FNIP1: variants seen among roughly 807,000 people sequenced by gnomAD.
The protein encoded by FNIP1 is folliculin interacting protein 1.
In FNIP1, 40 loss-of-function variants were observed where a neutral mutation model predicts 124.5. That is an observed-to-expected ratio of 0.32 (90% CI 0.25 to 0.42). The LOEUF is 0.42. Among genes scored for constraint, FNIP1 ranks in the 10% least tolerant of loss-of-function variants. FNIP1 has a pLI of 1.00. For missense variants in FNIP1, 1,176 were observed against 1,403.7 expected, an observed-to-expected ratio of 0.84 and a Z score of 2.59; for synonymous variants, 472 against 470.6, an observed-to-expected ratio of 1.00 and a Z score of -0.04.
chr5:131,655,402 T>C (rs1767162291), intron 15 of FNIP1, among the ~76,000 whole-genome samples: 1 of 152,086 alleles, frequency 6.6e-6, no homozygotes, highest in South Asian at 2.1e-4. Context: ...TACTATAAAA[T>C]ACAAATCTAC....
At chr5:131,764,020 T>C (rs1006181972) in intron 1 of FNIP1, among the ~76,000 whole-genome samples, 1 of 152,102 alleles carries the variant, frequency 6.6e-6, no homozygotes, top group African/African-American at 2.4e-5. Flanking sequence ...ATCCCTTTGA[T>C]GCTGTCCTTG....
intron 11 of FNIP1, among the ~76,000 whole-genome samples, chr5:131,696,623 T>G (rs866512880): frequency 6.6e-6 from 1 of 152,060 alleles, no homozygotes; most frequent in Non-Finnish European, 1.5e-5. Flanking sequence ...AAATATTAAA[T>G]TAAAATTATT....
chr5:131,786,424 C>A (rs1026446766), intron 1 of FNIP1, among the ~76,000 whole-genome samples: 1 of 152,156 alleles, frequency 6.6e-6, no homozygotes, highest in Non-Finnish European at 1.5e-5. Context: ...CTGTAAAATA[C>A]GTCACATCCA....
chr5:131,706,565 A>G lies in FNIP1; in HGVS notation c.779-19T>C. Reference sequence around the variant, plus strand: ...AGAGATGCTGTTAAGTCAGAAGAACAACAAGTATAAGTCAATAATGACTAA... The same window carrying G: ...AGAGATGCTGTTAAGTCAGAAGAACGACAAGTATAAGTCAATAATGACTAA... On this transcript the variant is annotated intron_variant, in intron 8 of 17. Coordinates refer to ENST00000510461, the MANE Select transcript of FNIP1 (RefSeq NM_133372.3). 4 of 1,552,338 alleles carry G rather than the reference A, an allele frequency of 2.6e-6. No homozygotes were observed. The highest frequency in any genetic ancestry group is 1.7e-4 in the Middle Eastern group (1 of 5,784).
At chr5:131,732,832 G>T (rs1203938884) in intron 2 of FNIP1, among the ~76,000 whole-genome samples, 1 of 152,210 alleles carries the variant, frequency 6.6e-6, no homozygotes, top group African/African-American at 2.4e-5. Flanking sequence ...GGTTCCATAT[G>T]AACTTGAAAG....
Position 131,719,310 on chromosome 5 carries a change from C to T in FNIP1, c.455+7G>A, listed in dbSNP as rs1339879349. Reference sequence around the variant, plus strand: ...ACTCGTTAAAAAAAAATCAGAAAACCTCTCACCGAATCTGATGAATTTTTA... The same window carrying T: ...ACTCGTTAAAAAAAAATCAGAAAACTTCTCACCGAATCTGATGAATTTTTA... On this transcript the variant is annotated splice_region_variant and intron_variant, in intron 4 of 17. Transcript: ENST00000510461. 3 of 1,585,492 alleles carry T rather than the reference C, an allele frequency of 1.9e-6. No individual in the cohort carries two copies. The highest frequency in any genetic ancestry group is 2.6e-6 in the Non-Finnish European group (3 of 1,172,432).
At chr5:131,664,956 ATATGC>A (rs918569271) in intron 15 of FNIP1, among the ~76,000 whole-genome samples, 3 of 149,756 alleles carry the variant, frequency 2.0e-5, no homozygotes, top group African/African-American at 7.5e-5. Flanking sequence ...ATATAAAATG[ATATGC>A]TTGTGTATTT....
chr5:131,749,535 G>C (rs1411577530), intron 1 of FNIP1, among the ~76,000 whole-genome samples: 1 of 151,896 alleles, frequency 6.6e-6, no homozygotes, highest in African/African-American at 2.4e-5. Context: ...GGGTTTACAG[G>C]CGTGTGCCAT....
intron 6 of FNIP1, among the ~76,000 whole-genome samples, chr5:131,713,335 C>T (rs571487992): frequency 1.3e-5 from 2 of 152,156 alleles, no homozygotes; most frequent in Admixed American, 6.5e-5. Context: ...CGTGAGCCAC[C>T]GCGCCCGGCC....
chr5:131,728,827 T>C (rs1561677512), intron 3 of FNIP1, among the ~76,000 whole-genome samples: 1 of 152,212 alleles, frequency 6.6e-6, no homozygotes, highest in Non-Finnish European at 1.5e-5. Flanking sequence ...TTTATCTATC[T>C]TTGGTCTTTG....
intron 14 of FNIP1, among the ~76,000 whole-genome samples, chr5:131,671,067 A>G (rs1042403096): frequency 1.3e-5 from 2 of 152,198 alleles, no homozygotes; most frequent in African/African-American, 2.4e-5. Flanking sequence ...CTAGGTATGT[A>G]ATGTTTCTCA....
intron 1 of FNIP1, among the ~76,000 whole-genome samples, chr5:131,779,734 A>C (rs1771935865): frequency 6.6e-6 from 1 of 151,588 alleles, no homozygotes; most frequent in South Asian, 2.1e-4. Context: ...GGATGTCTAC[A>C]ATTTGTTTTA....
At chr5:131,751,963 T>C (rs13172003) in intron 1 of FNIP1, among the ~76,000 whole-genome samples, 97,064 of 152,114 alleles carry the variant, frequency 0.64, 32,969 homozygotes, top group Non-Finnish European at 0.77. Context: ...TCACGCACTT[T>C]AGAAGAGTAG....
chr5:131,706,245 CTTG>C (rs1769108260), intron 9 of FNIP1, among the ~76,000 whole-genome samples, 163 bp downstream of exon 9: 1 of 152,106 alleles, frequency 6.6e-6, no homozygotes, highest in Admixed American at 6.6e-5. Context: ...AAAATTGTAA[CTTG>C]TTATGTATAA....
chr5:131,717,744 G>GA (rs1432839256), intron 5 of FNIP1, among the ~76,000 whole-genome samples: 2 of 152,124 alleles, frequency 1.3e-5, no homozygotes, highest in Admixed American at 6.5e-5. Flanking sequence ...TAGAAAAGGT[G>GA]AAAAAACTCT....
intron 1 of FNIP1, among the ~76,000 whole-genome samples, chr5:131,786,520 G>A (rs979009417): frequency 1.3e-4 from 20 of 152,258 alleles, no homozygotes; most frequent in African/African-American, 4.8e-4. Flanking sequence ...ACCACTAGAG[G>A]ACAAACTAAA....
At chr5:131,786,550 A>G (rs1235999552) in intron 1 of FNIP1, among the ~76,000 whole-genome samples, 1 of 152,204 alleles carries the variant, frequency 6.6e-6, no homozygotes, top group African/African-American at 2.4e-5. Context: ...GGAAAAGAGA[A>G]ATTGGGGGAT....
intron 1 of FNIP1, among the ~76,000 whole-genome samples, chr5:131,786,798 C>G (rs1031952453): frequency 6.6e-6 from 1 of 152,176 alleles, no homozygotes; most frequent in Admixed American, 6.5e-5. Context: ...CACGGGATCA[C>G]CAGCTGCCAG....
At chr5:131,752,997 G>C (rs1043442990) in intron 1 of FNIP1, among the ~76,000 whole-genome samples, 2 of 152,180 alleles carry the variant, frequency 1.3e-5, no homozygotes, top group African/African-American at 2.4e-5. Context: ...GCTTGAACTC[G>C]GGAGGTGGAG....
Sources: gnomAD v4.1 joint callset for allele counts (sites outside exome capture counted in the v4.1 genomes callset) on GRCh38, gnomAD v4.1.1 for gene constraint, MANE v1.5 for transcripts, NCBI Gene and HGNC (gene_info 2026-07-23, HGNC 2026-07-21) for gene names.